The following UACA variants were observed in gnomAD, a reference collection of about 807,000 sequenced individuals.
The protein encoded by UACA is nuclear membrane binding protein.
A neutral mutation model predicts 160.5 loss-of-function variants in UACA; 112 were observed. The observed-to-expected ratio is 0.70, with a 90% CI of 0.60 to 0.82. The LOEUF (loss-of-function observed/expected upper bound fraction) is 0.82. Among genes scored for constraint, UACA ranks in the 40% least tolerant of loss-of-function variants. The pLI is 0.00. For synonymous variants in UACA, 557 were observed against 568.4 expected, an observed-to-expected ratio of 0.98 and a Z score of 0.29; for missense variants, 1,574 against 1,614.6, an observed-to-expected ratio of 0.97 and a Z score of 0.43.
chr15:70,680,286 A>G (rs908079969), intron 9 of UACA, among the ~76,000 whole-genome samples: 6 of 152,214 alleles, frequency 3.9e-5, no homozygotes, highest in Non-Finnish European at 7.3e-5. Context: ...CAAAAACAAC[A>G]TAATTATTAA....
At chr15:70,763,195 G>T in intron 1 of UACA, 135 bp downstream of exon 1, 1 of 985,658 alleles carries the variant, frequency 1.0e-6, no homozygotes, top group Non-Finnish European at 1.3e-6. Flanking sequence ...CCGGCCTCAG[G>T]GAGGAGTCGC....
At chr15:70,684,945 A>G (rs1212016035) in intron 7 of UACA, among the ~76,000 whole-genome samples, 1 of 152,092 alleles carries the variant, frequency 6.6e-6, no homozygotes, top group Non-Finnish European at 1.5e-5. Flanking sequence ...AATAATCACC[A>G]CAAAAATTTT....
At chr15:70,762,756 A>G (rs1163520335) in intron 1 of UACA, among the ~76,000 whole-genome samples, 4 of 152,362 alleles carry the variant, frequency 2.6e-5, no homozygotes, top group African/African-American at 9.6e-5. Flanking sequence ...TCGCTGGGGA[A>G]TCAAACTTCC....
chr15:70,716,176 G>C (rs1041236973), intron 1 of UACA, among the ~76,000 whole-genome samples: 2 of 152,150 alleles, frequency 1.3e-5, no homozygotes, highest in African/African-American at 4.8e-5. Context: ...TGCTGCTTCT[G>C]CTCTACTCTG....
intron 1 of UACA, among the ~76,000 whole-genome samples, chr15:70,736,477 C>T (rs1474279564): frequency 6.6e-6 from 1 of 152,096 alleles, no homozygotes; most frequent in African/African-American, 2.4e-5. Context: ...CTCTGCCGCC[C>T]AGGCTAGAGT....
intron 1 of UACA, among the ~76,000 whole-genome samples, chr15:70,712,379 G>A (rs186638031): frequency 2.0e-5 from 3 of 152,030 alleles, no homozygotes; most frequent in African/African-American, 7.3e-5. Flanking sequence ...TCCCTCACCA[G>A]GATGGCTGCA....
chr15:70,697,793 G>A (rs1898183333), intron 2 of UACA, among the ~76,000 whole-genome samples: 2 of 152,178 alleles, frequency 1.3e-5, no homozygotes, highest in Admixed American at 6.5e-5. Context: ...GCTCACGCCT[G>A]TAATCCCAGT....
chr15:70,681,704 C>G (rs1897512580), intron 9 of UACA: 1 of 151,948 alleles, frequency 6.6e-6, no homozygotes, highest in Non-Finnish European at 1.5e-5. Flanking sequence ...AACAGTTGCT[C>G]CAGATGGAAA....
intron 1 of UACA, among the ~76,000 whole-genome samples, chr15:70,755,560 C>T (rs1421775261): frequency 2.0e-5 from 3 of 151,842 alleles, no homozygotes; most frequent in African/African-American, 7.3e-5. Context: ...GTACCAGCTA[C>T]TCGGGAGGCT....
At chr15:70,687,412 G>A in intron 7 of UACA, 128 bp downstream of exon 7, 2 of 765,102 alleles carry the variant, frequency 2.6e-6, no homozygotes, top group Non-Finnish European at 4.4e-6. Context: ...CCAAGGAAAA[G>A]CAAGCCAGGG....
chr15:70,664,668 C>T lies in UACA; in HGVS notation c.4107G>A (p.Gln1369=), dbSNP rs1896839355. 6.2e-7 allele frequency: 1 copy of T among 1,609,150 alleles called. No individual in the cohort carries two copies. The highest frequency in any genetic ancestry group is 1.3e-5 in the African/African-American group (1 of 74,688). Residue 1369 remains glutamine (Q), a synonymous_variant, in exon 17 of 19, where the codon CAG becomes CAA. Coordinates refer to ENST00000322954, the MANE Select transcript of UACA (RefSeq NM_018003.4). ...CGTGTGCCTGGTTACTCACGGCCAG[C>T]TGTTGCTCCAGAGATTTCACTTGGT... ...LQHQVKSLEQ[Q]LADADRQHQE...
intron 1 of UACA, chr15:70,701,841 G>C (rs781176976): frequency 4.8e-5 from 76 of 1,574,064 alleles, no homozygotes; most frequent in Non-Finnish European, 5.7e-5. Flanking sequence ...GTCTAACCAA[G>C]AATCTTTTGT....
chr15:70,721,250 T>A (rs142229048), intron 1 of UACA, among the ~76,000 whole-genome samples: 4 of 152,254 alleles, frequency 2.6e-5, no homozygotes, highest in Non-Finnish European at 4.4e-5. Context: ...CTAGAATGGC[T>A]ATGGGTGTGG....
chr15:70,773,222 GC>G, the UACA span, among the ~76,000 whole-genome samples: 2 of 152,158 alleles, frequency 1.3e-5, no homozygotes, highest in Non-Finnish European at 2.9e-5. Flanking sequence ...AGATGGAGAA[GC>G]ACAGAGACAG....
chr15:70,754,110 T>C (rs1297644884), intron 1 of UACA: 1 of 455,874 alleles, frequency 2.2e-6, no homozygotes, highest in African/African-American at 2.0e-5. Context: ...CCAGCCTATA[T>C]TTGGTTTTCT....
Position 70,668,528 on chromosome 15 carries a change from A to G in UACA, c.2156T>C (p.Ile719Thr), listed in dbSNP as rs558028386. The change falls in exon 16 of 19, where the codon ATT becomes ACT. Residue 719 changes from isoleucine (I) to threonine (T), a missense_variant. Physicochemically the swap from Ile to Thr is moderately conservative, Grantham distance 89. Transcript: ENST00000322954. ...CTTATTATCCAAATAAACTTTTTCA[A>G]TTTCCTTTTGTAGTGTCTGATTTTT... ...TLKNQTLQKE[I>T]EKVYLDNKLL... 1.2e-5 allele frequency: 19 copies of G among 1,609,412 alleles called. No homozygotes were observed. In the South Asian group the frequency reaches 1.7e-4, roughly 14 times the overall value.
intron 1 of UACA, among the ~76,000 whole-genome samples, chr15:70,729,081 G>C (rs1246994073): frequency 6.6e-6 from 1 of 152,168 alleles, no homozygotes; most frequent in East Asian, 1.9e-4. Context: ...CATATATACT[G>C]CTGGTGGGAA....
intron 1 of UACA, among the ~76,000 whole-genome samples, chr15:70,750,363 C>T (rs2029969922): frequency 6.6e-6 from 1 of 152,120 alleles, no homozygotes; most frequent in Non-Finnish European, 1.5e-5. Flanking sequence ...CCAAGATCTA[C>T]CCCCAAACCT....
intron 1 of UACA, among the ~76,000 whole-genome samples, chr15:70,723,165 T>C (rs1899043057): frequency 6.6e-6 from 1 of 152,206 alleles, no homozygotes; most frequent in Admixed American, 6.5e-5. Context: ...GGTTAATATA[T>C]GTGTACTCTG....
Sources: allele counts gnomAD v4.1 joint callset (sites outside exome capture counted in the v4.1 genomes callset), GRCh38; gene constraint gnomAD v4.1.1; transcripts MANE v1.5; gene names NCBI Gene and HGNC (gene_info 2026-07-23, HGNC 2026-07-21).